PEX13: variants seen among roughly 807,000 people sequenced by gnomAD.
PEX13 encodes peroxisome biogenesis factor 13.
In PEX13, 28 loss-of-function variants were observed where a neutral mutation model predicts 34.5. The observed-to-expected ratio is 0.81, with a 90% CI of 0.60 to 1.11. The LOEUF (loss-of-function observed/expected upper bound fraction) is 1.11, where lower values mean the gene tolerates loss of function less well. PEX13 is among the 50% of genes most tolerant of loss of function. The pLI is 0.00. For missense variants in PEX13, 550 were observed against 491.0 expected (o/e 1.12, Z -1.13); for synonymous variants, 177 against 175.1 (o/e 1.01, Z -0.09).
At chr2:61,034,019 C>T (rs1349564909) in intron 2 of PEX13, among the ~76,000 whole-genome samples, 1 of 151,758 alleles carries the variant, frequency 6.6e-6, no homozygotes, top group Non-Finnish European at 1.5e-5. Context: ...CTTCGGGAGA[C>T]AGAGTCTTGC....
In PEX13 at chr2:61,048,729, C is replaced by T. The variant is rs1181627618; in HGVS notation, c.1171C>T (p.Pro391Ser). ...FVETNKVPVA[P>S]DSIGKDGEKQ... is the part of the protein sequence containing the mutation. ...TGAAACTAATAAGGTTCCAGTTGCA[C>T]CTGATTCCATTGGGAAAGATGGAGA... Residue 391 changes from proline to serine, a missense_variant, in exon 4 of 4, where the codon CCT becomes TCT. Physicochemically the swap from Pro to Ser is moderately conservative, Grantham distance 74 (BLOSUM62 -1). Coordinates refer to ENST00000295030, the MANE Select transcript of PEX13 (RefSeq NM_002618.4). 3 of 1,613,878 alleles carry T rather than the reference C, an allele frequency of 1.9e-6. No individual in the cohort carries two copies. Among genetic ancestry groups the T allele is most frequent in the African/African-American group, 1.3e-5 (1 of 74,906 alleles).
chr2:61,044,062 A>G (rs1422257947), intron 2 of PEX13, among the ~76,000 whole-genome samples: 1 of 151,822 alleles, frequency 6.6e-6, no homozygotes, highest in African/African-American at 2.4e-5. Flanking sequence ...TGATTCTCCC[A>G]CCTCAGCTTC....
Position 61,031,453 on chromosome 2 carries a change from C to T in PEX13, c.127C>T (p.Pro43Ser), listed in dbSNP as rs753530129. 4.3e-6 allele frequency: 7 copies of T among 1,614,146 alleles called. No individual in the cohort carries two copies. Among genetic ancestry groups the T allele is most frequent in the Non-Finnish European group, 5.9e-6 (7 of 1,179,996 alleles). ...TTTGGGTCCTACTTTAATGACAAGA[C>T]CTGGACAACCAGCACTTACCAGAGT... The part of the protein sequence containing the change: ...ADLGPTLMTR[P>S]GQPALTRVPP... The change falls in exon 2 of 4, where the codon CCT (proline) becomes TCT (serine). Residue 43 changes from proline (P) to serine (S), a missense_variant. By Grantham distance (74) the Pro-to-Ser change is moderately conservative. Coordinates refer to ENST00000295030, the MANE Select transcript of PEX13 (RefSeq NM_002618.4).
chr2:61,037,158 C>G lies in PEX13; in HGVS notation c.787+5045C>G, dbSNP rs112577263. ...AGAGACTTACAAAGAGACTTAGACTCGCACACAATCATAATGGGAGACTTT... is the reference window on the plus strand; with the variant it reads ...AGAGACTTACAAAGAGACTTAGACTGGCACACAATCATAATGGGAGACTTT... On this transcript the variant is annotated intron_variant, in intron 2 of 3. Transcript: ENST00000295030. Among the ~76,000 whole-genome samples, 9 of 152,246 alleles carry G rather than the reference C, an allele frequency of 5.9e-5. No homozygotes were observed. The South Asian group carries it at 6.2e-4, about 11-fold the overall frequency.
intron 2 of PEX13, among the ~76,000 whole-genome samples, chr2:61,044,918 G>C (rs1680683269): frequency 6.6e-6 from 1 of 152,176 alleles, no homozygotes; most frequent in South Asian, 2.1e-4. Flanking sequence ...CAATGCCAGA[G>C]CATTTTTTGG....
chr2:61,031,864 T>C lies in PEX13; in HGVS notation c.538T>C (p.Ser180Pro). The C allele has an allele frequency of 6.2e-7, 1 of 1,612,996 alleles. No individual in the cohort carries two copies. The highest frequency in any genetic ancestry group is 8.5e-7 in the Non-Finnish European group (1 of 1,178,934). ...GAAAATACACTTTACAAAAGTGTTT[T>C]CAGCTTTTGCATTGGTTAGGACTAT... ...RLKIHFTKVF[S>P]AFALVRTIRY... Residue 180 changes from serine to proline, a missense_variant, in exon 2 of 4, where the codon TCA (serine) becomes CCA (proline). Transcript: ENST00000295030.
chr2:61,033,008 A>T (rs890112705), intron 2 of PEX13, among the ~76,000 whole-genome samples: 1 of 152,216 alleles, frequency 6.6e-6, no homozygotes, highest in African/African-American at 2.4e-5. Flanking sequence ...TAATCTTTAC[A>T]TAAGGAATGG....
At chr2:61,020,763 T>C (rs1036752560) in intron 1 of PEX13, among the ~76,000 whole-genome samples, 7 of 152,288 alleles carry the variant, frequency 4.6e-5, no homozygotes, top group Admixed American at 2.0e-4. Flanking sequence ...CAAGTGATTC[T>C]CCTGCCTCAG....
At chr2:61,029,595 A>G (rs1282110462) in intron 1 of PEX13, among the ~76,000 whole-genome samples, 1 of 152,228 alleles carries the variant, frequency 6.6e-6, no homozygotes, top group Non-Finnish European at 1.5e-5. Flanking sequence ...TTGGCAATAA[A>G]AATTAATGAA....
At position 61,048,637 on chromosome 2, in the gene PEX13, T is replaced by C. The variant is rs764462047; in HGVS notation, c.1079T>C (p.Leu360Pro). The change falls in exon 4 of 4, where the codon CTA (leucine) becomes CCA (proline). Residue 360 changes from leucine to proline, a missense_variant. Leu to Pro is a moderately conservative substitution (Grantham distance 98). Coordinates refer to ENST00000295030, the MANE Select transcript of PEX13 (RefSeq NM_002618.4). ...CAACAATCTTTTACCAACCCAACACTAACTAAAGGAGCCACGGTTGCTGAT... is the reference window on the plus strand; with the variant it reads ...CAACAATCTTTTACCAACCCAACACCAACTAAAGGAGCCACGGTTGCTGAT... ...KQQQSFTNPT[L>P]TKGATVADSL... The C allele has an allele frequency of 6.2e-7, 1 of 1,613,962 alleles. No homozygotes were observed. Among genetic ancestry groups the C allele is most frequent in the African/African-American group, 1.3e-5 (1 of 74,894 alleles).
rs539310122 is a variant in PEX13, at chr2:61,029,139, C to CAA, written c.93-2265_93-2264dup. Among the ~76,000 whole-genome samples the CAA allele has an allele frequency of 6.2e-3, 811 of 130,064 alleles. 6 individuals carry two copies. The highest frequency in any genetic ancestry group is 7.8e-3 in the Middle Eastern group (2 of 258). 85.3% of individuals were successfully genotyped at this position (130,064 alleles called of 152,430 possible). A position where few individuals can be genotyped will look rare whatever the true frequency, so the allele number is the denominator to read the frequency against. On this transcript the variant is annotated intron_variant, in intron 1 of 3. Coordinates refer to ENST00000295030, the MANE Select transcript of PEX13 (RefSeq NM_002618.4). ...CAATGACAGAGGGAGACCCTGTCTC[C>CAA]AAAAAAAAAAAAAAAAGAGGGCGAA...
intron 1 of PEX13, among the ~76,000 whole-genome samples, chr2:61,019,493 C>A (rs1323819095): frequency 6.6e-6 from 1 of 152,234 alleles, no homozygotes; most frequent in East Asian, 1.9e-4. Flanking sequence ...GAAATCCTGT[C>A]TACCTAGATC....
chr2:61,020,753 C>G (rs1251999428), intron 1 of PEX13, among the ~76,000 whole-genome samples: 1 of 152,130 alleles, frequency 6.6e-6, no homozygotes, highest in Non-Finnish European at 1.5e-5. Flanking sequence ...CTCCTGGGTT[C>G]AAGTGATTCT....
chr2:61,027,492 T>G (rs1417182167), intron 1 of PEX13, among the ~76,000 whole-genome samples: 1 of 152,234 alleles, frequency 6.6e-6, no homozygotes, highest in Non-Finnish European at 1.5e-5. Context: ...TCTCAAAATA[T>G]TAAACTGTCA....
intron 1 of PEX13, among the ~76,000 whole-genome samples, chr2:61,027,373 A>AC (rs1559032267): frequency 2.6e-5 from 4 of 151,594 alleles, no homozygotes; most frequent in Non-Finnish European, 5.9e-5. Context: ...ACACACACAC[A>AC]AAAACAGCGA....
Position 61,048,991 on chromosome 2 carries a change from C to T in PEX13, c.*221C>T, listed in dbSNP as rs1680754496. On this transcript the variant is annotated 3_prime_UTR_variant, in exon 4 of 4. Coordinates refer to ENST00000295030, the MANE Select transcript of PEX13 (RefSeq NM_002618.4). ...TTGGACCATAAGGACATTTGTTTCA[C>T]CTAGATTTTAAGATTATGGAGACTG... is the stretch of plus-strand genomic sequence containing the variant. The T allele has an allele frequency of 7.4e-6, 4 of 541,636 alleles. No individual in the cohort carries two copies. Among genetic ancestry groups the T allele is most frequent in the African/African-American group, 5.7e-5 (3 of 52,768 alleles). 33.6% of individuals were successfully genotyped at this position (541,636 alleles called of 1,614,324 possible).
chr2:61,041,587 A>G (rs1680626767), intron 2 of PEX13, among the ~76,000 whole-genome samples: 1 of 152,346 alleles, frequency 6.6e-6, no homozygotes, highest in African/African-American at 2.4e-5. Flanking sequence ...AGTGGAGAAG[A>G]CAGAAACTGT....
At chr2:61,042,668 A>AAAAAT (rs1183855360) in intron 2 of PEX13, among the ~76,000 whole-genome samples, 1 of 152,192 alleles carries the variant, frequency 6.6e-6, no homozygotes, top group Non-Finnish European at 1.5e-5. Flanking sequence ...GCATCAAAAT[A>AAAAAT]AAAATAAAAT....
Position 61,048,542 on chromosome 2 carries a change from G to C in PEX13, c.984G>C (p.Ala328=). Residue 328 remains alanine (A), a synonymous_variant, in exon 4 of 4, where the codon GCG becomes GCC. Transcript: ENST00000295030. ...LDGQTTGLIP[A]NYVKILGKRK... ...GCCAAACAACAGGACTTATACCTGCGAATTATGTCAAAATTCTTGGCAAAA... is the reference window on the plus strand; with the variant it reads ...GCCAAACAACAGGACTTATACCTGCCAATTATGTCAAAATTCTTGGCAAAA... 6.2e-7 allele frequency: 1 copy of C among 1,613,928 alleles called. No homozygotes were observed. The highest frequency in any genetic ancestry group is 1.3e-5 in the African/African-American group (1 of 74,986).
Sources: gnomAD v4.1 joint callset for allele counts (sites outside exome capture counted in the v4.1 genomes callset) on GRCh38, gnomAD v4.1.1 for gene constraint, MANE v1.5 for transcripts, NCBI Gene and HGNC (gene_info 2026-07-23, HGNC 2026-07-21) for gene names.